HS2ST1: variants seen among roughly 807,000 people sequenced by gnomAD.
The protein encoded by HS2ST1 is heparan sulfate 2-O-sulfotransferase 1.
HS2ST1 carries 18 observed loss-of-function variants against 42.9 expected under a neutral mutation model. The ratio of observed to expected loss-of-function variants is 0.42; its 90% CI spans 0.29 to 0.62. HS2ST1 has a LOEUF of 0.62. Among genes scored for constraint, HS2ST1 ranks in the 20% least tolerant of loss-of-function variants. The pLI, the probability that HS2ST1 is intolerant of heterozygous loss-of-function variation, is 0.21. For missense variants in HS2ST1, 334 were observed against 433.8 expected (o/e 0.77, Z 2.04); for synonymous variants, 146 against 152.9 (o/e 0.95, Z 0.33).
At chr1:86,981,316 C>T (rs758577940) in intron 1 of HS2ST1, among the ~76,000 whole-genome samples, 55 of 152,120 alleles carry the variant, frequency 3.6e-4, no homozygotes, top group Non-Finnish European at 6.9e-4. Context: ...CAGACCCCTC[C>T]CAAATCTCAT....
intron 4 of HS2ST1, among the ~76,000 whole-genome samples, chr1:87,095,180 C>T (rs931537307): frequency 6.6e-6 from 1 of 152,072 alleles, no homozygotes; most frequent in African/African-American, 2.4e-5. Context: ...GATAAGACTG[C>T]ATACATATAA....
chr1:86,973,599 A>T (rs1056011088), intron 1 of HS2ST1, among the ~76,000 whole-genome samples: 1 of 152,164 alleles, frequency 6.6e-6, no homozygotes, highest in African/African-American at 2.4e-5. Context: ...TACATTGTTG[A>T]TTGCCTTGGG....
intron 1 of HS2ST1, among the ~76,000 whole-genome samples, chr1:86,916,784 G>T (rs191437057): frequency 1.3e-5 from 2 of 152,266 alleles, no homozygotes; most frequent in African/African-American, 4.8e-5. Context: ...TCTTGAAGTG[G>T]AAAGTTATAT....
intron 3 of HS2ST1, among the ~76,000 whole-genome samples, chr1:87,089,359 A>G (rs1651886387): frequency 6.6e-6 from 1 of 152,006 alleles, no homozygotes; most frequent in Admixed American, 6.6e-5. Context: ...ATTCCTACCA[A>G]ATATGCTCTT....
intron 1 of HS2ST1, among the ~76,000 whole-genome samples, chr1:86,968,217 T>A (rs1648117892): frequency 6.6e-6 from 1 of 152,226 alleles, no homozygotes; most frequent in South Asian, 2.1e-4. Flanking sequence ...TGGCAATTAT[T>A]TTCTCCCATT....
chr1:86,985,383 T>TATATATATAAAA (rs1413099470), intron 1 of HS2ST1, among the ~76,000 whole-genome samples: 1 of 44,706 alleles, frequency 2.2e-5, no homozygotes, highest in Non-Finnish European at 5.4e-5. Flanking sequence ...TATATATATA[T>TATATATATAAAA]ACACACACAC....
chr1:87,046,143 G>A (rs1650656703), intron 1 of HS2ST1: 1 of 719,180 alleles, frequency 1.4e-6, no homozygotes, highest in Admixed American at 1.8e-5. Context: ...AGATAACAGA[G>A]CTGCCCAAAA....
intron 1 of HS2ST1, among the ~76,000 whole-genome samples, chr1:86,953,117 C>T (rs571633441): frequency 1.2e-4 from 19 of 152,290 alleles, no homozygotes; most frequent in Admixed American, 1.0e-3. Flanking sequence ...TTACCTTGCA[C>T]TTTTATATTA....
chr1:87,015,935 G>A (rs1230762574), intron 1 of HS2ST1, among the ~76,000 whole-genome samples: 2 of 151,848 alleles, frequency 1.3e-5, no homozygotes, highest in Non-Finnish European at 2.9e-5. Flanking sequence ...TCCTGCCTCA[G>A]CCTCCTGGGT....
intron 5 of HS2ST1, among the ~76,000 whole-genome samples, chr1:87,101,789 C>T (rs1234052892): frequency 1.3e-5 from 2 of 152,214 alleles, no homozygotes; most frequent in Non-Finnish European, 2.9e-5. Flanking sequence ...TTTATAGCAA[C>T]ACCCAACTCC....
chr1:87,000,245 T>C (rs559214536), intron 1 of HS2ST1, among the ~76,000 whole-genome samples: 2 of 152,178 alleles, frequency 1.3e-5, no homozygotes, highest in Non-Finnish European at 2.9e-5. Flanking sequence ...CAGGTAATCA[T>C]TTCTTAAAGC....
chr1:86,919,049 T>C (rs1283698024), intron 1 of HS2ST1, among the ~76,000 whole-genome samples: 1 of 151,940 alleles, frequency 6.6e-6, no homozygotes, highest in Non-Finnish European at 1.5e-5. Flanking sequence ...CGATTTCGGC[T>C]CACTCCTGCC....
In HS2ST1 at chr1:87,105,086, C is replaced by G. The variant is rs1652301212; in HGVS notation, c.*390C>G. 1 of 181,730 alleles carries G rather than the reference C, an allele frequency of 5.5e-6. No individual in the cohort carries two copies. The highest frequency in any genetic ancestry group is 1.2e-5 in the Non-Finnish European group (1 of 86,300). The allele number at this position is 181,730 out of a possible 1,614,324, so 11.3% of individuals were successfully genotyped here. On this transcript the variant is annotated 3_prime_UTR_variant, in exon 7 of 7. Coordinates refer to ENST00000370550, the MANE Select transcript of HS2ST1 (RefSeq NM_012262.4). ...AAGATGAGTCCATTTGCCTCTTCTG[C>G]CTTCACTGAGGGTTTGGGTTATACA...
At chr1:87,092,417 C>G in intron 3 of HS2ST1, 114 bp from the exon 4 acceptor site, 1 of 508,314 alleles carries the variant, frequency 2.0e-6, no homozygotes, top group Admixed American at 3.8e-5. Flanking sequence ...TAAATTAATT[C>G]ATGTTCTTTT....
intron 1 of HS2ST1, among the ~76,000 whole-genome samples, chr1:86,943,264 A>G (rs1647219902): frequency 6.6e-6 from 1 of 152,186 alleles, no homozygotes; most frequent in Non-Finnish European, 1.5e-5. Flanking sequence ...TAAATGTCTG[A>G]TACTGAGCTT....
chr1:86,955,543 G>A (rs1647653574), intron 1 of HS2ST1, among the ~76,000 whole-genome samples: 1 of 152,086 alleles, frequency 6.6e-6, no homozygotes, highest in African/African-American at 2.4e-5. Context: ...TGAAATCTCA[G>A]GTCATGAAGC....
intron 1 of HS2ST1, among the ~76,000 whole-genome samples, chr1:86,995,763 A>C (rs1649078832): frequency 6.6e-6 from 1 of 152,136 alleles, no homozygotes; most frequent in Non-Finnish European, 1.5e-5. Flanking sequence ...TGGAGCTTAT[A>C]TTCTCTTTAG....
At chr1:86,994,422 G>C (rs1488734544) in intron 1 of HS2ST1, among the ~76,000 whole-genome samples, 6 of 152,102 alleles carry the variant, frequency 3.9e-5, no homozygotes, top group Admixed American at 3.9e-4. Flanking sequence ...AAATTCCTTG[G>C]CTTTGTTACA....
chr1:87,025,875 T>C (rs1352678767), intron 1 of HS2ST1, among the ~76,000 whole-genome samples: 1 of 152,242 alleles, frequency 6.6e-6, no homozygotes, highest in African/African-American at 2.4e-5. Flanking sequence ...ATTTGAAATA[T>C]TTGCAGTCAT....
Sources: allele counts gnomAD v4.1 joint callset (sites outside exome capture counted in the v4.1 genomes callset), GRCh38; gene constraint gnomAD v4.1.1; transcripts MANE v1.5; gene names NCBI Gene and HGNC (gene_info 2026-07-23, HGNC 2026-07-21).